Variants in PTPRD observed in about 807,000 individuals in gnomAD.
PTPRD encodes receptor-type tyrosine-protein phosphatase delta.
A neutral mutation model predicts 214.5 loss-of-function variants in PTPRD; 34 were observed. The observed-to-expected ratio is 0.16, with a 90% confidence interval of 0.12 to 0.21. The LOEUF is 0.21. Ranked by LOEUF, PTPRD falls within the 10% of genes least tolerant of loss-of-function variation. The probability of loss-of-function intolerance (pLI) is 1.00; values close to 1 mark genes in which losing one functional copy is unlikely to be tolerated. For synonymous variants in PTPRD, 1,128 were observed against 845.7 expected (o/e 1.33, Z -5.79); for missense variants, 2,545 against 2,398.7 (o/e 1.06, Z -1.27).
At position 9,337,412 on chromosome 9, in the gene PTPRD, A is replaced by T. The variant is rs2044981197; in HGVS notation, c.-203+60037T>A. On this transcript the variant is annotated intron_variant, in intron 9 of 45. Transcript: ENST00000381196. ...ATAGATCATTAACAAGAGCCATTCA[A>T]ATCATCTAACTCTTCTTGTTCTGAT... 3.3e-5 allele frequency among the ~76,000 whole-genome samples: 5 copies of T among 152,166 alleles called. No individual in the cohort carries two copies. The South Asian group carries it at 1.0e-3, about 32-fold the overall frequency.
intron 9 of PTPRD, among the ~76,000 whole-genome samples, chr9:9,384,356 T>G (rs2063227630): frequency 6.7e-5 from 4 of 59,964 alleles, no homozygotes; most frequent in Admixed American, 3.5e-4. Context: ...TTTTTTTTTT[T>G]TTTTTTTTTT....
At chr9:8,742,937 C>T (rs2154447287) in intron 11 of PTPRD, among the ~76,000 whole-genome samples, 1 of 152,180 alleles carries the variant, frequency 6.6e-6, no homozygotes, top group South Asian at 2.1e-4. Flanking sequence ...AAGGGTGACC[C>T]ATGGCACCTA....
chr9:9,024,341 TTTTTTTGTTTG>T (rs2099579842), intron 10 of PTPRD, among the ~76,000 whole-genome samples: 1 of 70,568 alleles, frequency 1.4e-5, no homozygotes, highest in Non-Finnish European at 3.1e-5. Flanking sequence ...ATTCTTTGTT[TTTTTTTGTTTG>T]TTTTTTTTTT....
chr9:9,742,876 ATTG>A (rs1450055746), intron 6 of PTPRD, among the ~76,000 whole-genome samples: 2 of 152,086 alleles, frequency 1.3e-5, no homozygotes, highest in African/African-American at 2.4e-5. Context: ...TTGCTTTTTT[ATTG>A]TTGTTATGCA....
intron 39 of PTPRD, among the ~76,000 whole-genome samples, chr9:8,352,394 CTA>C (rs2075759980): frequency 6.6e-6 from 1 of 152,160 alleles, no homozygotes; most frequent in African/African-American, 2.4e-5. Context: ...GTTTAGAGAA[CTA>C]TATCATTCAC....
intron 9 of PTPRD, among the ~76,000 whole-genome samples, chr9:9,209,431 G>C (rs1474379269): frequency 1.3e-5 from 2 of 152,136 alleles, no homozygotes; most frequent in African/African-American, 2.4e-5. Context: ...ATGTGTTAAA[G>C]ACATTATAAG....
chr9:9,217,107 C>G (rs1387200877), intron 9 of PTPRD, among the ~76,000 whole-genome samples: 1 of 151,862 alleles, frequency 6.6e-6, no homozygotes, highest in African/African-American at 2.4e-5. Flanking sequence ...ACTAAGGGCC[C>G]CTTTAGCCAA....
chr9:10,167,184 T>C (rs938616298), intron 3 of PTPRD, among the ~76,000 whole-genome samples: 3 of 151,832 alleles, frequency 2.0e-5, no homozygotes, highest in African/African-American at 7.3e-5. Context: ...TGGAGCCTGA[T>C]GTGTATTTCA....
intron 14 of PTPRD, among the ~76,000 whole-genome samples, chr9:8,544,055 C>T (rs977533643): frequency 1.6e-4 from 25 of 151,958 alleles, no homozygotes; most frequent in Non-Finnish European, 2.9e-5. Flanking sequence ...TCATAGCCCA[C>T]CATAGTACTG....
intron 8 of PTPRD, among the ~76,000 whole-genome samples, chr9:9,492,919 G>T (rs769073381): frequency 2.0e-5 from 3 of 146,956 alleles, no homozygotes; most frequent in Middle Eastern, 3.2e-3. Context: ...TATTGTAATT[G>T]TTCTGGGGCA....
chr9:10,499,758 A>ATG (rs149676425), intron 2 of PTPRD, among the ~76,000 whole-genome samples: 1 of 151,476 alleles, frequency 6.6e-6, no homozygotes, highest in East Asian at 1.9e-4. Flanking sequence ...CATGTCCCAC[A>ATG]TTAAGTTTCT....
chr9:9,136,498 A>G (rs2099851094), intron 10 of PTPRD, among the ~76,000 whole-genome samples: 1 of 152,184 alleles, frequency 6.6e-6, no homozygotes, highest in Admixed American at 6.5e-5. Context: ...GAACACCTCA[A>G]ATATAATCAC....
At chr9:9,367,950 A>T (rs770638427) in intron 9 of PTPRD, among the ~76,000 whole-genome samples, 1 of 151,794 alleles carries the variant, frequency 6.6e-6, no homozygotes, top group East Asian at 1.9e-4. Context: ...CCAATAGGTC[A>T]TATGAGGAAC....
intron 2 of PTPRD, among the ~76,000 whole-genome samples, chr9:10,457,162 T>G (rs2098924377): frequency 6.6e-6 from 1 of 151,960 alleles, no homozygotes; most frequent in Admixed American, 6.6e-5. Context: ...AGCTGGAGTT[T>G]CAGTAACAGT....
At chr9:9,180,373 C>T (rs113492806) in intron 10 of PTPRD, among the ~76,000 whole-genome samples, 1 of 147,282 alleles carries the variant, frequency 6.8e-6, no homozygotes, top group Non-Finnish European at 1.5e-5. Flanking sequence ...CGCATATTCT[C>T]ACTCGTAGGT....
chr9:8,965,175 C>T (rs560107756), intron 11 of PTPRD, among the ~76,000 whole-genome samples: 4 of 151,814 alleles, frequency 2.6e-5, no homozygotes, highest in Admixed American at 6.6e-5. Flanking sequence ...GTCAGGAGTT[C>T]GAGACCAGCC....
At chr9:8,743,810 AATAATAAT>A (rs1565729728) in intron 11 of PTPRD, among the ~76,000 whole-genome samples, 7 of 149,746 alleles carry the variant, frequency 4.7e-5, no homozygotes, top group African/African-American at 1.7e-4. Context: ...TAATAATAAT[AATAATAAT>A]AATAATAATA....
chr9:10,069,523 G>C (rs973506095), intron 3 of PTPRD, among the ~76,000 whole-genome samples: 1 of 151,908 alleles, frequency 6.6e-6, no homozygotes, highest in Non-Finnish European at 1.5e-5. Context: ...GATTTCTCTA[G>C]AGAAAATAAT....
chr9:9,440,155 A>C (rs1588471320), intron 8 of PTPRD, among the ~76,000 whole-genome samples: 1 of 152,348 alleles, frequency 6.6e-6, no homozygotes, highest in East Asian at 1.9e-4. Flanking sequence ...TCAGAAGTCC[A>C]ATCTCATGGA....
Sources: gnomAD v4.1 joint callset for allele counts (sites outside exome capture counted in the v4.1 genomes callset) on GRCh38, gnomAD v4.1.1 for gene constraint, MANE v1.5 for transcripts, NCBI Gene and HGNC (gene_info 2026-07-23, HGNC 2026-07-21) for gene names.